The following GALNT13 variants were observed in gnomAD, a reference collection of about 807,000 sequenced individuals.
GALNT13 encodes UDP-GalNAc:polypeptide N-acetylgalactosaminyltransferase 13.
GALNT13 carries 28 observed loss-of-function variants against 64.2 expected under a neutral mutation model. The observed-to-expected ratio is 0.44, with a 90% CI of 0.32 to 0.60. The LOEUF (loss-of-function observed/expected upper bound fraction) is 0.60. Among genes scored for constraint, GALNT13 ranks in the 20% least tolerant of loss-of-function variants. GALNT13 has a pLI of 0.05. For missense variants in GALNT13, 577 were observed against 669.8 expected (o/e 0.86, Z 1.53); for synonymous variants, 214 against 224.6 (o/e 0.95, Z 0.42).
At chr2:153,596,378 GA>G in the GALNT13 span, among the ~76,000 whole-genome samples, 2 of 152,086 alleles carry the variant, frequency 1.3e-5, no homozygotes, top group Non-Finnish European at 2.9e-5. Context: ...ACACCTCACA[GA>G]ATAACCTGTT....
the GALNT13 span, among the ~76,000 whole-genome samples, chr2:153,821,792 A>T: frequency 6.6e-6 from 1 of 152,142 alleles, no homozygotes; most frequent in African/African-American, 2.4e-5. Context: ...ATGAAATCAA[A>T]AGCTAATTCT....
chr2:153,478,816 G>A, the GALNT13 span: 1 of 449,504 alleles, frequency 2.2e-6, no homozygotes. Flanking sequence ...CGCTCGAGGG[G>A]GGGCTGTTGG....
chr2:153,745,622 A>G, the GALNT13 span, among the ~76,000 whole-genome samples: 15,126 of 152,234 alleles, frequency 0.099, 882 homozygotes, highest in Middle Eastern at 0.15. Context: ...ATTTATTCTT[A>G]TTAAGCAAAA....
intron 8 of GALNT13, among the ~76,000 whole-genome samples, chr2:154,264,861 T>C (rs1690900997): frequency 6.7e-6 from 1 of 149,100 alleles, no homozygotes; most frequent in African/African-American, 2.5e-5. Context: ...AAAAGAAGAG[T>C]TTTTATGCCA....
chr2:153,663,796 C>T, the GALNT13 span, among the ~76,000 whole-genome samples: 1 of 152,174 alleles, frequency 6.6e-6, no homozygotes, highest in African/African-American at 2.4e-5. Flanking sequence ...TATTCTTTCT[C>T]AGTGCCAGAT....
the GALNT13 span, among the ~76,000 whole-genome samples, chr2:153,070,320 T>G: frequency 5.3e-5 from 8 of 150,898 alleles, no homozygotes; most frequent in Non-Finnish European, 1.2e-4. Context: ...ATGGGGAGAG[T>G]GGGTGGGATG....
At chr2:153,939,194 A>G (rs1004964034) in intron 2 of GALNT13, among the ~76,000 whole-genome samples, 1 of 152,178 alleles carries the variant, frequency 6.6e-6, no homozygotes, top group Admixed American at 6.6e-5. Flanking sequence ...GTGATGTGAC[A>G]TTTGAGCAGG....
At chr2:154,217,578 G>A (rs1220935673) in intron 4 of GALNT13, among the ~76,000 whole-genome samples, 2 of 152,070 alleles carry the variant, frequency 1.3e-5, no homozygotes, top group Non-Finnish European at 2.9e-5. Context: ...TATAGACCAT[G>A]CTGACGTTGT....
the GALNT13 span, among the ~76,000 whole-genome samples, chr2:153,345,779 CTCTTTCTCTCTT>C: frequency 4.5e-5 from 3 of 66,902 alleles, no homozygotes; most frequent in Non-Finnish European, 6.8e-5. Flanking sequence ...CCTTCTTTCT[CTCTTTCTCTCTT>C]TCTTTCTCTC....
intron 4 of GALNT13, among the ~76,000 whole-genome samples, chr2:154,146,118 C>T (rs1683575501): frequency 6.8e-6 from 1 of 147,264 alleles, no homozygotes; most frequent in African/African-American, 2.4e-5. Context: ...TACATATGCA[C>T]AATGTATGTG....
chr2:154,398,155 C>G (rs1327020123), intron 10 of GALNT13, among the ~76,000 whole-genome samples: 2 of 152,196 alleles, frequency 1.3e-5, no homozygotes, highest in African/African-American at 4.8e-5. Context: ...ACTATATCCT[C>G]AGAAGAAAGG....
At chr2:153,568,875 C>G in the GALNT13 span, among the ~76,000 whole-genome samples, 1 of 152,186 alleles carries the variant, frequency 6.6e-6, no homozygotes, top group African/African-American at 2.4e-5. Flanking sequence ...TGTGTGAAAT[C>G]ATGGACATAG....
chr2:154,173,166 TA>T (rs1369994787), intron 4 of GALNT13, among the ~76,000 whole-genome samples: 1 of 151,924 alleles, frequency 6.6e-6, no homozygotes, highest in Non-Finnish European at 1.5e-5. Flanking sequence ...GACCCAGATA[TA>T]AATCCACGTA....
the GALNT13 span, among the ~76,000 whole-genome samples, chr2:153,531,897 A>C: frequency 6.6e-6 from 1 of 152,188 alleles, no homozygotes; most frequent in Admixed American, 6.5e-5. Flanking sequence ...TTTTACATTT[A>C]GGCCACACTG....
At position 154,058,583 on chromosome 2, in the gene GALNT13, G is replaced by A. The variant is rs1343349027; in HGVS notation, c.143-81754G>A. Among the ~76,000 whole-genome samples, 7 of 152,124 alleles carry A rather than the reference G, an allele frequency of 4.6e-5. No individual in the cohort carries two copies. In the East Asian group the frequency reaches 5.8e-4, roughly 13 times the overall value. ...GCCTAATTGAAAATATGACATTTGA[G>A]CAAACACATGAAGTTTGTCCTGTGG... On this transcript the variant is annotated intron_variant, in intron 3 of 12. Coordinates refer to ENST00000392825, the MANE Select transcript of GALNT13 (RefSeq NM_052917.4).
chr2:154,363,211 T>G (rs1444650614), intron 9 of GALNT13, among the ~76,000 whole-genome samples: 1 of 152,212 alleles, frequency 6.6e-6, no homozygotes. Flanking sequence ...GATGTACGCC[T>G]GTCCAACCAG....
At chr2:154,272,322 A>G (rs750357206) in intron 8 of GALNT13, among the ~76,000 whole-genome samples, 20 of 152,046 alleles carry the variant, frequency 1.3e-4, no homozygotes, top group Non-Finnish European at 7.4e-5. Flanking sequence ...TACTAAGCAG[A>G]ATGTCCCTGT....
chr2:153,813,080 T>A, the GALNT13 span, among the ~76,000 whole-genome samples: 1 of 152,214 alleles, frequency 6.6e-6, no homozygotes, highest in Non-Finnish European at 1.5e-5. Context: ...TGATTTCTTG[T>A]TGGGTTCATC....
the GALNT13 span, among the ~76,000 whole-genome samples, chr2:153,849,492 A>C: frequency 6.6e-6 from 1 of 152,234 alleles, no homozygotes; most frequent in Non-Finnish European, 1.5e-5. Flanking sequence ...GTATGAAACA[A>C]CACTTTTCAG....
Sources: allele counts gnomAD v4.1 joint callset (sites outside exome capture counted in the v4.1 genomes callset), GRCh38; gene constraint gnomAD v4.1.1; transcripts MANE v1.5; gene names NCBI Gene and HGNC (gene_info 2026-07-23, HGNC 2026-07-21).